The following ZBED1 variants were observed in gnomAD, a reference collection of about 807,000 sequenced individuals.
The protein encoded by ZBED1 is E3 SUMO-protein ligase ZBED1.
A neutral mutation model predicts 49.7 loss-of-function variants in ZBED1; 19 were observed. The observed-to-expected ratio is 0.38, with a 90% CI of 0.27 to 0.56. The LOEUF (loss-of-function observed/expected upper bound fraction) is 0.56, where lower values mean the gene tolerates loss of function less well. Among genes scored for constraint, ZBED1 ranks in the 20% least tolerant of loss-of-function variants. The pLI is 0.70. For missense variants in ZBED1, 806 were observed against 972.6 expected (o/e 0.83, Z 2.28); for synonymous variants, 439 against 440.3 (o/e 1.00, Z 0.04).
At chrX:2,499,823 T>A (rs1249787885) in intron 1 of ZBED1, among the ~76,000 whole-genome samples, 1 of 152,196 alleles carries the variant, frequency 6.6e-6, no homozygotes, top group East Asian at 1.9e-4. Context: ...GGAAGGAAGA[T>A]CGCTTGAGCC....
Position 2,489,695 on chromosome X carries a change from G to A in ZBED1, c.1025C>T (p.Ala342Val), listed in dbSNP as rs1235655554. Reference protein sequence around the residue: ...LYEKQKQQNVAHCMLVSNRVS... With the variant: ...LYEKQKQQNVVHCMLVSNRVS... ...GCGGTTGCTCACCAGCATGCAGTGG[G>A]CCACGTTCTGCTGCTTCTGCTTCTC... is the stretch of plus-strand genomic sequence containing the variant. The change falls in exon 2 of 2, where the codon GCC (alanine) becomes GTC (valine). Residue 342 changes from alanine to valine, a missense_variant. Transcript: ENST00000652001. 1.9e-6 allele frequency: 3 copies of A among 1,612,660 alleles called. No individual in the cohort carries two copies. The highest frequency in any genetic ancestry group is 1.7e-6 in the Non-Finnish European group (2 of 1,179,812).
In ZBED1 at chrX:2,488,510, C is replaced by T; in HGVS notation, c.*125G>A. On this transcript the variant is annotated 3_prime_UTR_variant, in exon 2 of 2. Coordinates refer to ENST00000652001, the MANE Select transcript of ZBED1 (RefSeq NM_001171136.2). ...TCTCAAATCTCTTTCCTTTTTCCACCTTCTAGGTGTCAAAGACAGTGGATG... is the reference window on the plus strand; with the variant it reads ...TCTCAAATCTCTTTCCTTTTTCCACTTTCTAGGTGTCAAAGACAGTGGATG... 1 of 1,261,038 alleles carries T rather than the reference C, an allele frequency of 7.9e-7. No individual in the cohort carries two copies. Among genetic ancestry groups the T allele is most frequent in the Non-Finnish European group, 1.1e-6 (1 of 929,608 alleles). The allele number at this position is 1,261,038 out of a possible 1,614,324, so 78.1% of individuals were successfully genotyped here. A position where few individuals can be genotyped will look rare whatever the true frequency, so the allele number is the denominator to read the frequency against.
In ZBED1 at chrX:2,488,688, C is replaced by G; in HGVS notation, c.2032G>C (p.Gly678Arg). Residue 678 changes from glycine to arginine, a missense_variant, in exon 2 of 2, where the codon GGG (glycine) becomes CGG (arginine). This residue lies in a region of ZBED1 where 749 missense variants were observed against 861.3 expected (regional missense o/e 0.87). Coordinates refer to ENST00000652001, the MANE Select transcript of ZBED1 (RefSeq NM_001171136.2). ...GLDQEQVFSL[G>R]DGVSGGFFGI... ...AAGAAACCGCCGCTGACGCCATCCCCCAAGGAGAACACCTGCTCCTGGTCC... is the reference window on the plus strand; with the variant it reads ...AAGAAACCGCCGCTGACGCCATCCCGCAAGGAGAACACCTGCTCCTGGTCC... 1 of 1,613,646 alleles carries G rather than the reference C, an allele frequency of 6.2e-7. No homozygotes were observed. The highest frequency in any genetic ancestry group is 8.5e-7 in the Non-Finnish European group (1 of 1,179,804).
At chrX:2,497,613 C>T (rs2045315910) in intron 1 of ZBED1, among the ~76,000 whole-genome samples, 1 of 152,144 alleles carries the variant, frequency 6.6e-6, no homozygotes, top group African/African-American at 2.4e-5. Flanking sequence ...ATTTACGAAT[C>T]CATTTTGCAT....
chrX:2,496,495 G>C (rs184667963), intron 1 of ZBED1, among the ~76,000 whole-genome samples: 8 of 152,100 alleles, frequency 5.3e-5, no homozygotes, highest in African/African-American at 1.9e-4. Context: ...CACCGCACCC[G>C]GCCCGCCAAT....
At chrX:2,495,952 C>A (rs2045274708) in intron 1 of ZBED1, among the ~76,000 whole-genome samples, 1 of 152,118 alleles carries the variant, frequency 6.6e-6, no homozygotes, top group African/African-American at 2.4e-5. Context: ...CCATCCGTCC[C>A]TTTATGGATG....
chrX:2,493,513 TGAAG>T (rs1409611155), intron 1 of ZBED1, among the ~76,000 whole-genome samples: 1 of 151,720 alleles, frequency 6.6e-6, no homozygotes, highest in Non-Finnish European at 1.5e-5. Context: ...TTCTGGAACC[TGAAG>T]GAAAGGTTTC....
chrX:2,494,657 A>G (rs1229615775), intron 1 of ZBED1, among the ~76,000 whole-genome samples: 2 of 151,908 alleles, frequency 1.3e-5, no homozygotes, highest in East Asian at 3.8e-4. Context: ...TTTGGCTCAC[A>G]GGTGTCCCAG....
At chrX:2,494,964 T>C (rs1011704247) in intron 1 of ZBED1, among the ~76,000 whole-genome samples, 7 of 151,828 alleles carry the variant, frequency 4.6e-5, no homozygotes, top group Non-Finnish European at 1.0e-4. Flanking sequence ...TATTCTATCA[T>C]TATTATCATT....
Position 2,488,519 on chromosome X carries a change from G to T in ZBED1, c.*116C>A. On this transcript the variant is annotated 3_prime_UTR_variant, in exon 2 of 2. Coordinates refer to ENST00000652001, the MANE Select transcript of ZBED1 (RefSeq NM_001171136.2). Reference sequence around the variant, plus strand: ...TCTTTCCTTTTTCCACCTTCTAGGTGTCAAAGACAGTGGATGGTCTCTGAG... The same window carrying T: ...TCTTTCCTTTTTCCACCTTCTAGGTTTCAAAGACAGTGGATGGTCTCTGAG... 7.6e-7 allele frequency: 1 copy of T among 1,312,740 alleles called. No individual in the cohort carries two copies. The highest frequency in any genetic ancestry group is 1.0e-6 in the Non-Finnish European group (1 of 971,408). The allele number at this position is 1,312,740 out of a possible 1,614,324, so 81.3% of individuals were successfully genotyped here. A position where few individuals can be genotyped will look rare whatever the true frequency, so the allele number is the denominator to read the frequency against.
In ZBED1 at chrX:2,487,858, A is replaced by G. The variant is rs1184737690; in HGVS notation, c.*777T>C. The G allele has an allele frequency of 6.6e-6, 1 of 151,916 alleles. No individual in the cohort carries two copies. Among genetic ancestry groups the G allele is most frequent in the Non-Finnish European group, 1.5e-5 (1 of 68,012 alleles). 9.4% of individuals were successfully genotyped at this position (151,916 alleles called of 1,614,324 possible). The stretch of plus-strand genomic sequence containing the variant: ...ATTTTGGCTAAAAGGTCTCTTCCCC[A>G]TTTCTCAGAAGCAAGAGGTCCCTGC... On this transcript the variant is annotated 3_prime_UTR_variant, in exon 2 of 2. Coordinates refer to ENST00000652001, the MANE Select transcript of ZBED1 (RefSeq NM_001171136.2).
chrX:2,490,491 C>T lies in ZBED1; in HGVS notation c.229G>A (p.Glu77Lys), dbSNP rs757982020. The change falls in exon 2 of 2, where the codon GAG (glutamate) becomes AAG (lysine). Residue 77 changes from glutamate (E) to lysine (K), a missense_variant. Coordinates refer to ENST00000652001, the MANE Select transcript of ZBED1 (RefSeq NM_001171136.2). ...TGCTCCGTGTTGCTCTTGACGAACT[C>T]GCAGAATTCCTCGGGGTGGTTCTTC... Reference protein sequence around the residue: ...LEKNHPEEFCEFVKSNTEQMR... With the variant: ...LEKNHPEEFCKFVKSNTEQMR... The T allele has an allele frequency of 2.5e-6, 4 of 1,613,966 alleles. No homozygotes were observed. Among genetic ancestry groups the T allele is most frequent in the East Asian group, 2.2e-5 (1 of 44,864 alleles).
Position 2,487,238 on chromosome X carries a change from A to T in ZBED1, c.*1397T>A, listed in dbSNP as rs2044965021. 1 of 152,256 alleles carries T rather than the reference A, an allele frequency of 6.6e-6. No individual in the cohort carries two copies. Among genetic ancestry groups the T allele is most frequent in the African/African-American group, 2.4e-5 (1 of 41,468 alleles). 9.4% of individuals were successfully genotyped at this position (152,256 alleles called of 1,614,324 possible). A position where few individuals can be genotyped will look rare whatever the true frequency, so the allele number is the denominator to read the frequency against. On this transcript the variant is annotated 3_prime_UTR_variant, in exon 2 of 2. Coordinates refer to ENST00000652001, the MANE Select transcript of ZBED1 (RefSeq NM_001171136.2). ...TCCCCTATGGTATTCAGTTTAAAAG[A>T]GAAGAATCAAGAGTCCTTTCCGGTA...
rs1156740546 is a variant in ZBED1 at position 2,490,684 on chromosome X, G to A, written c.36C>T (p.Asp12=). The change falls in exon 2 of 2, where the codon GAC becomes GAT. Residue 12 remains aspartate (D), a synonymous_variant. Coordinates refer to ENST00000652001, the MANE Select transcript of ZBED1 (RefSeq NM_001171136.2). ...CGCGGGGGTGGGCCACCAGCTTCAG[G>A]TCTGTCTGGGAGCTCTCCAGGCTTT... is the stretch of plus-strand genomic sequence containing the variant. ...ENKSLESSQT[D]LKLVAHPRAK... 6.2e-7 allele frequency: 1 copy of A among 1,613,780 alleles called. No individual in the cohort carries two copies. The highest frequency in any genetic ancestry group is 1.7e-5 in the Admixed American group (1 of 59,984).
At chrX:2,495,367 T>C (rs2045256805) in intron 1 of ZBED1, among the ~76,000 whole-genome samples, 1 of 151,964 alleles carries the variant, frequency 6.6e-6, no homozygotes, top group Admixed American at 6.6e-5. Flanking sequence ...ATTATTAATA[T>C]TATTGTTATT....
chrX:2,500,248 C>T (rs2045382214), intron 1 of ZBED1: 3 of 156,434 alleles, frequency 1.9e-5, no homozygotes, highest in South Asian at 4.0e-4. Flanking sequence ...CCCCAGTGCC[C>T]GAGAAGCCGC....
At chrX:2,498,625 GAAAAA>G (rs10624636) in intron 1 of ZBED1, among the ~76,000 whole-genome samples, 24 of 128,754 alleles carry the variant, frequency 1.9e-4, no homozygotes, top group Non-Finnish European at 3.7e-4. Flanking sequence ...CAGTAAATGG[GAAAAA>G]AAAAAAAAAA....
chrX:2,492,161 C>T lies in ZBED1; in HGVS notation c.-53-1389G>A, dbSNP rs772626201. ...AAAGAAAATCTGTATCCACCTGGTACTTGTGTATGGGACCTTGTTTGGAAA... is the reference window on the plus strand; with the variant it reads ...AAAGAAAATCTGTATCCACCTGGTATTTGTGTATGGGACCTTGTTTGGAAA... On this transcript the variant is annotated intron_variant, in intron 1 of 1. Transcript: ENST00000652001. Among the ~76,000 whole-genome samples the T allele has an allele frequency of 3.3e-5, 5 of 152,260 alleles. No individual in the cohort carries two copies. The East Asian group carries it at 5.8e-4, about 18-fold the overall frequency.
intron 1 of ZBED1, among the ~76,000 whole-genome samples, chrX:2,495,752 G>A (rs2045267992): frequency 6.6e-6 from 1 of 151,976 alleles, no homozygotes; most frequent in Non-Finnish European, 1.5e-5. Context: ...TTCAAGACTG[G>A]TGCAGCATCC....
Sources: allele counts gnomAD v4.1 joint callset (sites outside exome capture counted in the v4.1 genomes callset), GRCh38; gene constraint gnomAD v4.1.1; regional missense constraint gnomAD v4.1.1; transcripts MANE v1.5; gene names NCBI Gene and HGNC (gene_info 2026-07-23, HGNC 2026-07-21).